The following CFAP47 variants were observed in gnomAD, a reference collection of about 807,000 sequenced individuals.
The protein encoded by CFAP47 is cilia and flagella associated protein 47.
CFAP47 carries 29 observed loss-of-function variants against 148.1 expected under a neutral mutation model. The ratio of observed to expected loss-of-function variants is 0.20; its 90% CI spans 0.15 to 0.27. The LOEUF (loss-of-function observed/expected upper bound fraction) is 0.27. Ranked by LOEUF, CFAP47 falls within the 10% of genes least tolerant of loss-of-function variation. The pLI, the probability that CFAP47 is intolerant of heterozygous loss-of-function variation, is 1.00. For missense variants in CFAP47, 1,872 were observed against 1,697.5 expected, an observed-to-expected ratio of 1.10 and a Z score of -1.81; for synonymous variants, 664 against 577.3, an observed-to-expected ratio of 1.15 and a Z score of -2.15.
chrX:36,076,456 T>G (rs1400916596), intron 29 of CFAP47, among the ~76,000 whole-genome samples: 1 of 108,669 alleles, frequency 9.2e-6, no homozygotes, highest in Non-Finnish European at 1.9e-5. Flanking sequence ...GGTATCTCAC[T>G]GTGATGTTGA....
chrX:36,221,340 T>A (rs1262999322), intron 45 of CFAP47, among the ~76,000 whole-genome samples: 2 of 111,765 alleles, frequency 1.8e-5, no homozygotes, highest in Non-Finnish European at 3.8e-5. Flanking sequence ...GATATTTTTA[T>A]GTGAAGTATT....
chrX:36,191,853 C>T (rs1041604136), intron 42 of CFAP47, among the ~76,000 whole-genome samples: 1 of 110,233 alleles, frequency 9.1e-6, no homozygotes, highest in East Asian at 2.9e-4. Context: ...CATAGTGGCA[C>T]GCACCTGTAG....
chrX:36,072,550 T>C (rs1937775239), intron 28 of CFAP47, among the ~76,000 whole-genome samples: 1 of 112,182 alleles, frequency 8.9e-6, no homozygotes, highest in South Asian at 3.7e-4. Context: ...ATAATGAACA[T>C]TTTTCTTTTT....
At chrX:36,086,797 A>G (rs1408377438) in intron 30 of CFAP47, among the ~76,000 whole-genome samples, 1 of 111,337 alleles carries the variant, frequency 9.0e-6, no homozygotes, top group Non-Finnish European at 1.9e-5. Context: ...GCAGCTTGTC[A>G]TGGCGGCTTC....
intron 37 of CFAP47, among the ~76,000 whole-genome samples, chrX:36,154,037 T>C (rs893695437): frequency 8.9e-6 from 1 of 112,011 alleles, no homozygotes; most frequent in Non-Finnish European, 1.9e-5. Flanking sequence ...TCATGGAGAT[T>C]CCTGATCCAT....
At chrX:36,348,432 A>G (rs1941716194) in intron 58 of CFAP47, 144 bp downstream of exon 58, 1 of 239,600 alleles carries the variant, frequency 4.2e-6, no homozygotes, top group Admixed American at 7.5e-5. Context: ...ATATGTTCAG[A>G]GGAGGAAAAT....
chrX:36,366,543 T>G (rs1941878416), intron 61 of CFAP47, among the ~76,000 whole-genome samples: 1 of 111,987 alleles, frequency 8.9e-6, no homozygotes, highest in Admixed American at 9.5e-5. Flanking sequence ...GAAAATACTT[T>G]CGCATAATGT....
chrX:36,244,500 A>G (rs5972033), intron 48 of CFAP47, among the ~76,000 whole-genome samples: 38,719 of 110,485 alleles, frequency 0.35, 7,582 homozygotes, highest in African/African-American at 0.75. Context: ...GATTAACACA[A>G]GAGTAAAGAA....
Position 36,001,593 on chromosome X carries a change from T to C in CFAP47, c.3323-20T>C. On this transcript the variant is annotated intron_variant, in intron 20 of 63. Transcript: ENST00000378653. ...GATTTTTGATTGTTATGAATATGTG[T>C]ACTTTTTCACCTCTTACAGAAGAAT... The C allele has an allele frequency of 3.4e-6, 1 of 294,383 alleles. No individual in the cohort carries two copies. Among genetic ancestry groups the C allele is most frequent in the Non-Finnish European group, 6.0e-6 (1 of 167,879 alleles). The allele number at this position is 294,383 out of a possible 1,213,427, so 24.3% of individuals were successfully genotyped here. A position where few individuals can be genotyped will look rare whatever the true frequency, so the allele number is the denominator to read the frequency against.
At chrX:36,158,418 T>G (rs2073511661) in intron 37 of CFAP47, among the ~76,000 whole-genome samples, 1 of 112,179 alleles carries the variant, frequency 8.9e-6, no homozygotes, top group Non-Finnish European at 1.9e-5. Context: ...GTATAACTTA[T>G]TTAAACAGTG....
intron 45 of CFAP47, among the ~76,000 whole-genome samples, chrX:36,224,836 G>A (rs1281748027): frequency 9.0e-6 from 1 of 111,622 alleles, no homozygotes; most frequent in Non-Finnish European, 1.9e-5. Flanking sequence ...CTAAGTTTTT[G>A]GGTAGTTTGT....
At chrX:36,058,430 C>T (rs1937570806) in intron 26 of CFAP47, among the ~76,000 whole-genome samples, 1 of 111,528 alleles carries the variant, frequency 9.0e-6, no homozygotes. Context: ...AGTCTGCAGC[C>T]TAGAAATTGG....
At chrX:36,153,615 A>G (rs1407171342) in intron 37 of CFAP47, among the ~76,000 whole-genome samples, 2 of 112,355 alleles carry the variant, frequency 1.8e-5, no homozygotes, top group African/African-American at 6.5e-5. Context: ...CCCCATGGCA[A>G]TTCTCTAACT....
chrX:36,289,385 T>C (rs1941170580), intron 51 of CFAP47, among the ~76,000 whole-genome samples: 1 of 111,633 alleles, frequency 9.0e-6, no homozygotes, highest in South Asian at 3.8e-4. Flanking sequence ...GAAATTTTTC[T>C]TCCTCATGAA....
At position 35,951,937 on chromosome X, in the gene CFAP47, T is replaced by C; in HGVS notation, c.1020T>C (p.Thr340=). Residue 340 remains threonine, a synonymous_variant, in exon 6 of 64, where the codon ACT becomes ACC. Coordinates refer to ENST00000378653, the MANE Select transcript of CFAP47 (RefSeq NM_001304548.2). ...NEGTLQPYQK[T]VITFCFTPKL... ...GGACTTTACAACCTTATCAAAAGAC[T>C]GTAATTACATTTTGTTTCACCCCAA... The C allele has an allele frequency of 1.7e-6, 2 of 1,168,716 alleles. No individual in the cohort carries two copies. The highest frequency in any genetic ancestry group is 3.7e-5 in the African/African-American group (2 of 54,658).
intron 30 of CFAP47, among the ~76,000 whole-genome samples, chrX:36,091,120 G>A (rs1248020166): frequency 9.0e-6 from 1 of 111,249 alleles, no homozygotes; most frequent in African/African-American, 3.3e-5. Flanking sequence ...GATTCAAAAT[G>A]AAAAGCATAA....
intron 21 of CFAP47, among the ~76,000 whole-genome samples, chrX:36,007,974 C>G (rs1462561961): frequency 4.5e-5 from 5 of 111,339 alleles, no homozygotes; most frequent in Non-Finnish European, 9.4e-5. Flanking sequence ...CAGTCATCAA[C>G]AAAGACAGCA....
At chrX:36,072,696 T>C (rs1937778009) in intron 28 of CFAP47, among the ~76,000 whole-genome samples, 1 of 111,692 alleles carries the variant, frequency 9.0e-6, no homozygotes, top group African/African-American at 3.2e-5. Flanking sequence ...AACTTGAAAA[T>C]GCTTTGTTTT....
At chrX:36,015,067 T>A (rs906528551) in intron 22 of CFAP47, among the ~76,000 whole-genome samples, 155 bp downstream of exon 22, 9 of 110,708 alleles carry the variant, frequency 8.1e-5, no homozygotes, top group Non-Finnish European at 1.7e-4. Flanking sequence ...TCACTTAAAT[T>A]GAGTCTATGA....
Sources: gnomAD v4.1 joint callset for allele counts (sites outside exome capture counted in the v4.1 genomes callset) on GRCh38, gnomAD v4.1.1 for gene constraint, MANE v1.5 for transcripts, NCBI Gene and HGNC (gene_info 2026-07-23, HGNC 2026-07-21) for gene names.